Variants in PLCZ1 observed in about 807,000 individuals in gnomAD.
PLCZ1 encodes the protein 1-phosphatidylinositol 4,5-bisphosphate phosphodiesterase zeta-1.
PLCZ1 carries 64 observed loss-of-function variants against 76.8 expected under a neutral mutation model. The ratio of observed to expected loss-of-function variants is 0.83; its 90% CI spans 0.68 to 1.03. PLCZ1 has a LOEUF of 1.03. Ranked by LOEUF, PLCZ1 falls within the 50% of genes least tolerant of loss-of-function variation. PLCZ1 has a pLI of 0.00. For synonymous variants in PLCZ1, 248 were observed against 230.8 expected (o/e 1.07, Z -0.68); for missense variants, 751 against 713.7 (o/e 1.05, Z -0.60).
intron 3 of PLCZ1, among the ~76,000 whole-genome samples, chr12:18,724,189 G>T (rs2150728266): frequency 6.6e-6 from 1 of 152,236 alleles, no homozygotes; most frequent in South Asian, 2.1e-4. Context: ...TTTCCAATTG[G>T]AAGAGTTAGA....
At chr12:18,737,087 C>A (rs1459231270) in intron 2 of PLCZ1, among the ~76,000 whole-genome samples, 1 of 152,036 alleles carries the variant, frequency 6.6e-6, no homozygotes, top group Non-Finnish European at 1.5e-5. Flanking sequence ...AAAAATTGTG[C>A]AAAACTACTA....
Position 18,695,081 on chromosome 12 carries a change from T to C in PLCZ1, c.1292-2A>G. 2 of 1,611,822 alleles carry C rather than the reference T, an allele frequency of 1.2e-6. No homozygotes were observed. Among genetic ancestry groups the C allele is most frequent in the Non-Finnish European group, 1.7e-6 (2 of 1,178,260 alleles). On this transcript the variant is annotated splice_acceptor_variant, in intron 11 of 14. Transcript: ENST00000266505. LOFTEE classifies it high-confidence loss of function. The stretch of plus-strand genomic sequence containing the variant: ...CAGGGGTCTGGAAATTTAAAGCCAC[T>C]GTAAGAAAGAAGTATTTTGACATTG...
chr12:18,650,293 TTCTCTCTCTCTCTCTCTC>T, the PLCZ1 span, among the ~76,000 whole-genome samples: 285 of 87,734 alleles, frequency 3.2e-3, 1 homozygote, highest in Non-Finnish European at 4.8e-3. Context: ...TAACCCAAAT[TTCTCTCTCTCTCTCTCTC>T]TCTCTCTCTC....
At chr12:18,676,345 A>G in the PLCZ1 span, among the ~76,000 whole-genome samples, 1 of 152,054 alleles carries the variant, frequency 6.6e-6, no homozygotes, top group African/African-American at 2.4e-5. Context: ...TTGTAACTGA[A>G]AGAATCTAAT....
intron 6 of PLCZ1, among the ~76,000 whole-genome samples, chr12:18,705,810 G>A (rs775265129): frequency 3.3e-5 from 5 of 152,016 alleles, no homozygotes; most frequent in Non-Finnish European, 5.9e-5. Context: ...AGATTACAAC[G>A]AGCCGAGGTT....
chr12:18,696,532 G>A, intron 10 of PLCZ1, among the ~76,000 whole-genome samples: 1 of 151,178 alleles, frequency 6.6e-6, no homozygotes, highest in Non-Finnish European at 1.5e-5. Context: ...GGAAAAAATT[G>A]ATTAGATAAT....
chr12:18,690,507 G>A (rs955073854), intron 12 of PLCZ1, among the ~76,000 whole-genome samples: 3 of 152,122 alleles, frequency 2.0e-5, no homozygotes, highest in Non-Finnish European at 2.9e-5. Context: ...TTACAGATGT[G>A]AGCCTCCATA....
chr12:18,648,325 A>G, the PLCZ1 span: 3 of 232,260 alleles, frequency 1.3e-5, no homozygotes, highest in Non-Finnish European at 2.5e-5. Context: ...ATAGGTTTAC[A>G]TTTGTTTTAA....
the PLCZ1 span, among the ~76,000 whole-genome samples, chr12:18,669,808 C>T: frequency 6.6e-6 from 1 of 152,246 alleles, no homozygotes; most frequent in East Asian, 1.9e-4. Flanking sequence ...CAGGCGTGTG[C>T]CACCATGCCT....
intron 13 of PLCZ1, among the ~76,000 whole-genome samples, chr12:18,687,835 G>T (rs1376962084): frequency 6.6e-6 from 1 of 152,000 alleles, no homozygotes; most frequent in Non-Finnish European, 1.5e-5. Context: ...ACATAAAAAA[G>T]AGGTAAATTT....
downstream of PLCZ1, among the ~76,000 whole-genome samples, chr12:18,680,364 G>A (rs1369059695): frequency 1.3e-5 from 2 of 151,928 alleles, no homozygotes; most frequent in Non-Finnish European, 2.9e-5. Context: ...CATCCCTCAA[G>A]ACACTCCCTT....
intron 12 of PLCZ1, among the ~76,000 whole-genome samples, chr12:18,690,758 T>C (rs893846434): frequency 6.6e-6 from 1 of 152,066 alleles, no homozygotes; most frequent in African/African-American, 2.4e-5. Flanking sequence ...CAGGTAAGGC[T>C]GAAAGAATGC....
At chr12:18,682,166 C>T (rs915980881), downstream of PLCZ1, among the ~76,000 whole-genome samples, 2 of 152,044 alleles carry the variant, frequency 1.3e-5, no homozygotes, top group South Asian at 4.1e-4. Context: ...CCATTTCTTA[C>T]TACCTATGGC....
the PLCZ1 span, among the ~76,000 whole-genome samples, chr12:18,676,425 A>T: frequency 6.6e-6 from 1 of 152,086 alleles, no homozygotes; most frequent in Admixed American, 6.6e-5. Context: ...GTCTCAGTAC[A>T]TTGACCCCTT....
chr12:18,683,143 A>G, downstream of PLCZ1: 3 of 1,037,652 alleles, frequency 2.9e-6, no homozygotes, highest in South Asian at 2.8e-5. Context: ...ATGAGTAATT[A>G]TTTTTCTTTA....
chr12:18,651,063 C>G, the PLCZ1 span, among the ~76,000 whole-genome samples: 1 of 151,988 alleles, frequency 6.6e-6, no homozygotes, highest in South Asian at 2.1e-4. Context: ...CTAAAAGGCC[C>G]TATGTGATCT....
intron 5 of PLCZ1, among the ~76,000 whole-genome samples, chr12:18,718,913 C>A (rs1958264986): frequency 6.6e-6 from 1 of 152,146 alleles, no homozygotes; most frequent in Non-Finnish European, 1.5e-5. Context: ...GGTATAAAAT[C>A]AGCAATGCAA....
chr12:18,697,868 C>A (rs1009495957), intron 10 of PLCZ1, among the ~76,000 whole-genome samples: 3 of 139,036 alleles, frequency 2.2e-5, no homozygotes, highest in African/African-American at 8.7e-5. Flanking sequence ...CCTTTGCAGA[C>A]ATCATTGATT....
Position 18,683,258 on chromosome 12 carries a change from T to C in PLCZ1, c.1808A>G (p.Tyr603Cys). ...TAGCTGTTATCTGACGTACCAAACA[T>C]AAACAAACAGTGAAGCAGGCTCAAG... ...ESLEPASLFV[Y>C]VWYVR Residue 603 changes from tyrosine to cysteine, a missense_variant, in exon 15 of 15, where the codon TAT becomes TGT. Tyr to Cys is a radical substitution (Grantham distance 194). Coordinates refer to ENST00000266505, the MANE Select transcript of PLCZ1 (RefSeq NM_033123.4). The C allele has an allele frequency of 6.2e-7, 1 of 1,612,506 alleles. No homozygotes were observed. The highest frequency in any genetic ancestry group is 8.5e-7 in the Non-Finnish European group (1 of 1,178,984).
Sources: allele counts gnomAD v4.1 joint callset (sites outside exome capture counted in the v4.1 genomes callset), GRCh38; gene constraint gnomAD v4.1.1; transcripts MANE v1.5; gene names NCBI Gene and HGNC (gene_info 2026-07-23, HGNC 2026-07-21).